Variants in TMEM174 observed in about 807,000 individuals in gnomAD.
TMEM174 encodes the protein transmembrane protein 174.
In TMEM174, 11 loss-of-function variants were observed where a neutral mutation model predicts 15.1. The observed-to-expected ratio is 0.73, with a 90% CI of 0.46 to 1.20. TMEM174 has a LOEUF of 1.20. Ranked by LOEUF, TMEM174 falls within the 50% of genes most tolerant of loss-of-function variation. The pLI, the probability that TMEM174 is intolerant of heterozygous loss-of-function variation, is 0.00. For missense variants in TMEM174, 321 were observed against 303.6 expected, an observed-to-expected ratio of 1.06 and a Z score of -0.43; for synonymous variants, 130 against 121.3, an observed-to-expected ratio of 1.07 and a Z score of -0.47.
chr5:73,174,309 G>A lies in TMEM174; in HGVS notation c.*144G>A. ...CAGCCTGACAGAGATCATTCAAGGG[G>A]GGAAAGGGGAAGTGGGAGGTGCAAT... On this transcript the variant is annotated 3_prime_UTR_variant, in exon 2 of 2. Transcript: ENST00000296776. The A allele has an allele frequency of 2.9e-6, 2 of 697,058 alleles. No individual in the cohort carries two copies. The highest frequency in any genetic ancestry group is 2.4e-6 in the Non-Finnish European group (1 of 421,574). The allele number at this position is 697,058 out of a possible 1,614,324, so 43.2% of individuals were successfully genotyped here. A position where few individuals can be genotyped will look rare whatever the true frequency, so the allele number is the denominator to read the frequency against.
At position 73,174,325 on chromosome 5, in the gene TMEM174, G is replaced by A; in HGVS notation, c.*160G>A. The A allele has an allele frequency of 1.6e-6, 1 of 634,928 alleles. No individual in the cohort carries two copies. The highest frequency in any genetic ancestry group is 2.7e-6 in the Non-Finnish European group (1 of 371,788). The allele number at this position is 634,928 out of a possible 1,614,324, so 39.3% of individuals were successfully genotyped here. ...ATTCAAGGGGGGAAAGGGGAAGTGG[G>A]AGGTGCAATTTCTCAGATTGGTAAA... On this transcript the variant is annotated 3_prime_UTR_variant, in exon 2 of 2. Coordinates refer to ENST00000296776, the MANE Select transcript of TMEM174 (RefSeq NM_153217.3).
Position 73,174,171 on chromosome 5 carries a change from A to C in TMEM174, c.*6A>C, listed in dbSNP as rs1047544455. 5.0e-6 allele frequency: 8 copies of C among 1,608,264 alleles called. No homozygotes were observed. Among genetic ancestry groups the C allele is most frequent in the Admixed American group, 3.3e-5 (2 of 59,982 alleles). On this transcript the variant is annotated 3_prime_UTR_variant, in exon 2 of 2. Coordinates refer to ENST00000296776, the MANE Select transcript of TMEM174 (RefSeq NM_153217.3). ...TATACTCTCTCCCTCGCTAGAGGCT[A>C]TTCTGATATAATAACACAATGCTCA...
rs556952520 is a variant in TMEM174, at chr5:73,174,125, C to T, written c.692C>T (p.Ser231Phe). The T allele has an allele frequency of 4.3e-6, 7 of 1,614,146 alleles. No individual in the cohort carries two copies. The highest frequency in any genetic ancestry group is 1.7e-5 in the Admixed American group (1 of 60,022). Reference protein sequence around the residue: ...QLEEEACACFSPPPYEEIYSL... With the variant: ...QLEEEACACFFPPPYEEIYSL... ...GAAGAGGAGGCCTGTGCCTGCTTCT[C>T]TCCTCCCCCTTATGAAGAAATATAC... Residue 231 changes from serine to phenylalanine, a missense_variant, in exon 2 of 2, where the codon TCT (serine) becomes TTT (phenylalanine). By Grantham distance (155) the Ser-to-Phe change is radical. Coordinates refer to ENST00000296776, the MANE Select transcript of TMEM174 (RefSeq NM_153217.3).
In TMEM174 at chr5:73,173,536, G is replaced by A; in HGVS notation, c.293G>A (p.Cys98Tyr). 6.2e-7 allele frequency: 1 copy of A among 1,614,210 alleles called. No homozygotes were observed. Among genetic ancestry groups the A allele is most frequent in the South Asian group, 1.1e-5 (1 of 91,082 alleles). Reference protein sequence around the residue: ...IAVCKFKMLSCQLCKESEERV... With the variant: ...IAVCKFKMLSYQLCKESEERV... ...GTGTGCAAGTTCAAAATGCTCTCCT[G>A]CCAGTTGTGCAAAGAAAGTGAGGAA... The change falls in exon 1 of 2, where the codon TGC becomes TAC. Residue 98 changes from cysteine to tyrosine, a missense_variant. Cys to Tyr is a radical substitution (Grantham distance 194). Coordinates refer to ENST00000296776, the MANE Select transcript of TMEM174 (RefSeq NM_153217.3).
At position 73,174,184 on chromosome 5, in the gene TMEM174, AAC is replaced by A; in HGVS notation, c.*23_*24del. The A allele has an allele frequency of 6.2e-7, 1 of 1,604,478 alleles. No individual in the cohort carries two copies. The highest frequency in any genetic ancestry group is 8.5e-7 in the Non-Finnish European group (1 of 1,171,252). On this transcript the variant is annotated 3_prime_UTR_variant, in exon 2 of 2. Coordinates refer to ENST00000296776, the MANE Select transcript of TMEM174 (RefSeq NM_153217.3). ...TCGCTAGAGGCTATTCTGATATAAT[AAC>A]ACAATGCTCAGCTCAGGGAGCAAGT...
chr5:73,174,132 C>G lies in TMEM174; in HGVS notation c.699C>G (p.Pro233=). 6.2e-7 allele frequency: 1 copy of G among 1,614,162 alleles called. No individual in the cohort carries two copies. The highest frequency in any genetic ancestry group is 8.5e-7 in the Non-Finnish European group (1 of 1,180,018). Residue 233 remains proline (P), a synonymous_variant, in exon 2 of 2, where the codon CCC becomes CCG. Transcript: ENST00000296776. The part of the protein sequence containing the change: ...EEEACACFSP[P]PYEEIYSLPR ...AGGCCTGTGCCTGCTTCTCTCCTCC[C>G]CCTTATGAAGAAATATACTCTCTCC...
At position 73,173,574 on chromosome 5, in the gene TMEM174, T is replaced by C; in HGVS notation, c.331T>C (p.Ser111Pro). ...AGAAAGTGAGGAAAGGGTCCCGGAC[T>C]CGGAACAGACACCAGGAGGACCATC... ...CKESEERVPD[S>P]EQTPGGPSFV... The change falls in exon 1 of 2, where the codon TCG becomes CCG. Residue 111 changes from serine (S) to proline (P), a missense_variant. By Grantham distance (74) the Ser-to-Pro change is moderately conservative. Coordinates refer to ENST00000296776, the MANE Select transcript of TMEM174 (RefSeq NM_153217.3). 8 of 1,614,178 alleles carry C rather than the reference T, an allele frequency of 5.0e-6. No homozygotes were observed. The highest frequency in any genetic ancestry group is 5.9e-6 in the Non-Finnish European group (7 of 1,180,040).
At position 73,173,661 on chromosome 5, in the gene TMEM174, A is replaced by C. The variant is rs764085540; in HGVS notation, c.418A>C (p.Ile140Leu). ...CCATGGGGCCACTGTGGTGCAGTAC[A>C]TCCCTCCTCCTTATGGTTCTCCAGA... ...TFHGATVVQY[I>L]PPPYGSPEPM... Residue 140 changes from isoleucine to leucine, a missense_variant, in exon 1 of 2, where the codon ATC becomes CTC. Physicochemically the swap from Ile to Leu is conservative, Grantham distance 5. Transcript: ENST00000296776. The C allele has an allele frequency of 2.5e-6, 4 of 1,614,144 alleles. No homozygotes were observed. Among genetic ancestry groups the C allele is most frequent in the African/African-American group, 1.3e-5 (1 of 75,024 alleles).
Position 73,173,973 on chromosome 5 carries a change from C to T in TMEM174, c.627-87C>T, listed in dbSNP as rs1745023204. The T allele has an allele frequency of 1.1e-5, 17 of 1,603,836 alleles. No individual in the cohort carries two copies. The East Asian group carries it at 3.8e-4, about 36-fold the overall frequency. ...GGTGTTGGGAGACTGTGAATCTCTT[C>T]TTAGCCTGTTGCCCACGATGGCAGC... is the stretch of plus-strand genomic sequence containing the variant. On this transcript the variant is annotated intron_variant, in intron 1 of 1. Coordinates refer to ENST00000296776, the MANE Select transcript of TMEM174 (RefSeq NM_153217.3).
rs1745012286 is a variant in TMEM174 at position 73,173,475 on chromosome 5, C to T, written c.232C>T (p.Leu78=). 6.2e-7 allele frequency: 1 copy of T among 1,614,222 alleles called. No homozygotes were observed. Among genetic ancestry groups the T allele is most frequent in the Non-Finnish European group, 8.5e-7 (1 of 1,180,042 alleles). ...ATGGACCCAGCTCCTTGGGCCCGTCCTGCTGTCAGTTGGGGTGACATTCAT... is the reference window on the plus strand; with the variant it reads ...ATGGACCCAGCTCCTTGGGCCCGTCTTGCTGTCAGTTGGGGTGACATTCAT... ...FEWTQLLGPV[L]LSVGVTFILI... The change falls in exon 1 of 2, where the codon CTG becomes TTG. Residue 78 remains leucine (L), a synonymous_variant. Coordinates refer to ENST00000296776, the MANE Select transcript of TMEM174 (RefSeq NM_153217.3).
chr5:73,173,484 G>A lies in TMEM174; in HGVS notation c.241G>A (p.Val81Ile). The A allele has an allele frequency of 6.2e-7, 1 of 1,614,250 alleles. No individual in the cohort carries two copies. Among genetic ancestry groups the A allele is most frequent in the Non-Finnish European group, 8.5e-7 (1 of 1,180,038 alleles). ...GCTCCTTGGGCCCGTCCTGCTGTCA[G>A]TTGGGGTGACATTCATCCTGATTGC... is the stretch of plus-strand genomic sequence containing the variant. ...TQLLGPVLLS[V>I]GVTFILIAVC... Residue 81 changes from valine to isoleucine, a missense_variant, in exon 1 of 2, where the codon GTT becomes ATT. Physicochemically the swap from Val to Ile is conservative, Grantham distance 29. Coordinates refer to ENST00000296776, the MANE Select transcript of TMEM174 (RefSeq NM_153217.3).
Position 73,173,502 on chromosome 5 carries a change from C to G in TMEM174, c.259C>G (p.Leu87Val). The G allele has an allele frequency of 6.2e-7, 1 of 1,614,252 alleles. No homozygotes were observed. The highest frequency in any genetic ancestry group is 8.5e-7 in the Non-Finnish European group (1 of 1,180,048). The change falls in exon 1 of 2, where the codon CTG becomes GTG. Residue 87 changes from leucine to valine, a missense_variant. Coordinates refer to ENST00000296776, the MANE Select transcript of TMEM174 (RefSeq NM_153217.3). ...VLLSVGVTFILIAVCKFKMLS... is the reference protein window; with the variant it reads ...VLLSVGVTFIVIAVCKFKMLS... ...GCTGTCAGTTGGGGTGACATTCATC[C>G]TGATTGCTGTGTGCAAGTTCAAAAT...
At position 73,173,493 on chromosome 5, in the gene TMEM174, A is replaced by G. The variant is rs1745012808; in HGVS notation, c.250A>G (p.Thr84Ala). 1.2e-6 allele frequency: 2 copies of G among 1,614,066 alleles called. No homozygotes were observed. The highest frequency in any genetic ancestry group is 1.7e-5 in the Admixed American group (1 of 59,996). The change falls in exon 1 of 2, where the codon ACA (threonine) becomes GCA (alanine). Residue 84 changes from threonine (T) to alanine (A), a missense_variant. Thr to Ala is a moderately conservative substitution (Grantham distance 58). Coordinates refer to ENST00000296776, the MANE Select transcript of TMEM174 (RefSeq NM_153217.3). ...GCCCGTCCTGCTGTCAGTTGGGGTG[A>G]CATTCATCCTGATTGCTGTGTGCAA... ...LGPVLLSVGV[T>A]FILIAVCKFK...
Position 73,175,077 on chromosome 5 carries a change from G to A in TMEM174, c.*912G>A, listed in dbSNP as rs371306152. 6 of 152,432 alleles carry A rather than the reference G, an allele frequency of 3.9e-5. No individual in the cohort carries two copies. The South Asian group carries it at 1.0e-3, about 26-fold the overall frequency. 9.4% of individuals were successfully genotyped at this position (152,432 alleles called of 1,614,324 possible). On this transcript the variant is annotated 3_prime_UTR_variant, in exon 2 of 2. Transcript: ENST00000296776. The stretch of plus-strand genomic sequence containing the variant: ...CATGTCAACACATGGGGAATGATAT[G>A]ATAGAAACAATCTTTATGACTAAAA...
chr5:73,174,471 C>A lies in TMEM174; in HGVS notation c.*306C>A. 1 of 274,000 alleles carries A rather than the reference C, an allele frequency of 3.6e-6. No individual in the cohort carries two copies. 17.0% of individuals were successfully genotyped at this position (274,000 alleles called of 1,614,324 possible). On this transcript the variant is annotated 3_prime_UTR_variant, in exon 2 of 2. Transcript: ENST00000296776. The stretch of plus-strand genomic sequence containing the variant: ...TTTTTCATCCACCACCCTCCCCCTT[C>A]TCTGTAGGAAGGCATTGGTGGCTCA...
At position 73,173,656 on chromosome 5, in the gene TMEM174, A is replaced by C. The variant is rs374585746; in HGVS notation, c.413A>C (p.Gln138Pro). Residue 138 changes from glutamine to proline, a missense_variant, in exon 1 of 2, where the codon CAG becomes CCG. Transcript: ENST00000296776. ...ACCTTCCATGGGGCCACTGTGGTGCAGTACATCCCTCCTCCTTATGGTTCT... is the reference window on the plus strand; with the variant it reads ...ACCTTCCATGGGGCCACTGTGGTGCCGTACATCCCTCCTCCTTATGGTTCT... ...PITFHGATVV[Q>P]YIPPPYGSPE... The C allele has an allele frequency of 6.2e-7, 1 of 1,614,082 alleles. No individual in the cohort carries two copies.
rs1024903473 is a variant in TMEM174, at chr5:73,174,467, C to G, written c.*302C>G. On this transcript the variant is annotated 3_prime_UTR_variant, in exon 2 of 2. Transcript: ENST00000296776. The stretch of plus-strand genomic sequence containing the variant: ...TCACTTTTTCATCCACCACCCTCCC[C>G]CTTCTCTGTAGGAAGGCATTGGTGG... 1.1e-5 allele frequency: 3 copies of G among 283,996 alleles called. No individual in the cohort carries two copies. Among genetic ancestry groups the G allele is most frequent in the Non-Finnish European group, 1.3e-5 (2 of 151,538 alleles). 17.6% of individuals were successfully genotyped at this position (283,996 alleles called of 1,614,324 possible).
Position 73,174,215 on chromosome 5 carries a change from T to C in TMEM174, c.*50T>C. 2 of 1,542,494 alleles carry C rather than the reference T, an allele frequency of 1.3e-6. No homozygotes were observed. Among genetic ancestry groups the C allele is most frequent in the African/African-American group, 1.4e-5 (1 of 73,636 alleles). On this transcript the variant is annotated 3_prime_UTR_variant, in exon 2 of 2. Coordinates refer to ENST00000296776, the MANE Select transcript of TMEM174 (RefSeq NM_153217.3). ...ATGCTCAGCTCAGGGAGCAAGTGTT[T>C]CCGTCATTGTTACCTGACAACCGTG... is the stretch of plus-strand genomic sequence containing the variant.
rs1254901622 is a variant in TMEM174 at position 73,173,793 on chromosome 5, A to G, written c.550A>G (p.Thr184Ala). The part of the protein sequence containing the change: ...AAMSSPPQYY[T>A]IYPQDNSAFV... ...CATGTCAAGTCCTCCTCAATACTACACCATCTACCCTCAAGATAACTCTGC... is the reference window on the plus strand; with the variant it reads ...CATGTCAAGTCCTCCTCAATACTACGCCATCTACCCTCAAGATAACTCTGC... Residue 184 changes from threonine (T) to alanine (A), a missense_variant, in exon 1 of 2, where the codon ACC (threonine) becomes GCC (alanine). Physicochemically the swap from Thr to Ala is moderately conservative, Grantham distance 58. Coordinates refer to ENST00000296776, the MANE Select transcript of TMEM174 (RefSeq NM_153217.3). The G allele has an allele frequency of 1.2e-5, 20 of 1,613,856 alleles. No individual in the cohort carries two copies. The Admixed American group carries it at 3.2e-4, about 26-fold the overall frequency.
Sources: gnomAD v4.1 joint callset for allele counts on GRCh38, gnomAD v4.1.1 for gene constraint, MANE v1.5 for transcripts, NCBI Gene and HGNC (gene_info 2026-07-23, HGNC 2026-07-21) for gene names.